The following MLLT10 variants were observed in gnomAD, a reference collection of about 807,000 sequenced individuals.
MLLT10 encodes MLLT10 histone lysine methyltransferase DOT1L cofactor.
MLLT10 carries 30 observed loss-of-function variants against 129.1 expected under a neutral mutation model. The ratio of observed to expected loss-of-function variants is 0.23; its 90% CI spans 0.17 to 0.32. MLLT10 has a LOEUF of 0.32. MLLT10 is among the 10% of genes least tolerant of loss of function. The pLI is 1.00. For synonymous variants in MLLT10, 490 were observed against 446.4 expected, an observed-to-expected ratio of 1.10 and a Z score of -1.23; for missense variants, 1,119 against 1,268.3, an observed-to-expected ratio of 0.88 and a Z score of 1.79.
intron 2 of MLLT10, among the ~76,000 whole-genome samples, chr10:21,537,303 T>TCTTC (rs1270743615): frequency 6.6e-6 from 1 of 152,106 alleles, no homozygotes; most frequent in Non-Finnish European, 1.5e-5. Context: ...TTTCTTTCTT[T>TCTTC]ATATATTTTT....
chr10:21,582,533 T>C (rs988284477), intron 3 of MLLT10, among the ~76,000 whole-genome samples: 3 of 152,220 alleles, frequency 2.0e-5, no homozygotes, highest in African/African-American at 7.2e-5. Flanking sequence ...TACCATTTGT[T>C]GTTTCAGACA....
At chr10:21,542,136 A>G (rs1389093711) in intron 3 of MLLT10, among the ~76,000 whole-genome samples, 1 of 152,230 alleles carries the variant, frequency 6.6e-6, no homozygotes, top group East Asian at 1.9e-4. Flanking sequence ...GTGGGTATTC[A>G]GAGAGAGAAG....
chr10:21,606,125 A>C (rs1680336710), intron 5 of MLLT10, among the ~76,000 whole-genome samples: 1 of 152,136 alleles, frequency 6.6e-6, no homozygotes, highest in Non-Finnish European at 1.5e-5. Flanking sequence ...TGTGAGGTGA[A>C]GTTAATAAAT....
intron 3 of MLLT10, among the ~76,000 whole-genome samples, chr10:21,567,741 C>G (rs1198324732): frequency 6.6e-6 from 1 of 151,700 alleles, no homozygotes. Context: ...AGCAGTTACT[C>G]TTCAAGTTTT....
At chr10:21,535,716 C>T (rs994679294) in intron 2 of MLLT10, among the ~76,000 whole-genome samples, 2 of 152,180 alleles carry the variant, frequency 1.3e-5, no homozygotes, top group African/African-American at 4.8e-5. Context: ...GCTCCATGTC[C>T]CTTCGCATTT....
intron 5 of MLLT10, among the ~76,000 whole-genome samples, chr10:21,599,674 T>G (rs1403645423): frequency 6.6e-6 from 1 of 152,104 alleles, no homozygotes; most frequent in Non-Finnish European, 1.5e-5. Flanking sequence ...AAGCAGTCCT[T>G]CCACTTCAGC....
chr10:21,556,853 C>G (rs761894978), intron 3 of MLLT10: 1 of 1,551,844 alleles, frequency 6.4e-7, no homozygotes, highest in Non-Finnish European at 8.7e-7. Context: ...TATGTCCTTT[C>G]TAGTTTCCAG....
In MLLT10 at chr10:21,538,154, A is replaced by AT. The variant is rs747900217; in HGVS notation, c.161-658dup. On this transcript the variant is annotated intron_variant, in intron 2 of 22. Transcript: ENST00000307729. ...AGGCACATGCCACCGTGCCCAGCTA[A>AT]TTTTTTTTTTTTTTTTTTTTTAAAT... Among the ~76,000 whole-genome samples, 394 of 132,748 alleles carry AT rather than the reference A, an allele frequency of 3.0e-3. 1 individual carries two copies. Among genetic ancestry groups the AT allele is most frequent in the South Asian group, 0.015 (60 of 4,112 alleles). The allele number at this position is 132,748 out of a possible 152,430, so 87.1% of individuals were successfully genotyped here. A position where few individuals can be genotyped will look rare whatever the true frequency, so the allele number is the denominator to read the frequency against.
At position 21,733,933 on chromosome 10, in the gene MLLT10, A is replaced by G. The variant is rs770602384; in HGVS notation, c.2662A>G (p.Thr888Ala). The G allele has an allele frequency of 8.7e-6, 14 of 1,613,960 alleles. No individual in the cohort carries two copies. Among genetic ancestry groups the G allele is most frequent in the Admixed American group, 1.7e-5 (1 of 59,990 alleles). Residue 888 changes from threonine to alanine, a missense_variant, in exon 20 of 23, where the codon ACC (threonine) becomes GCC (alanine). This residue lies in a region of MLLT10 where 1,004 missense variants were observed against 1,008.7 expected (regional missense o/e 1.00). Transcript: ENST00000307729. Reference protein sequence around the residue: ...LASGMQPVTSTIPAVSAVGGI... With the variant: ...LASGMQPVTSAIPAVSAVGGI... ...TAGTGGAATGCAGCCTGTAACTTCC[A>G]CCATTCCTGCCGTGTCTGCAGTGGG...
chr10:21,709,391 C>CT (rs1222336726), intron 13 of MLLT10, among the ~76,000 whole-genome samples: 3 of 152,114 alleles, frequency 2.0e-5, no homozygotes, highest in African/African-American at 7.2e-5. Flanking sequence ...GCCGCCATGC[C>CT]TGGCTAAGTT....
intron 3 of MLLT10, chr10:21,556,544 C>G: frequency 1.2e-6 from 1 of 824,620 alleles, no homozygotes; most frequent in Non-Finnish European, 1.8e-6. Flanking sequence ...TTCCATTTAC[C>G]CTCTCTAGGA....
intron 4 of MLLT10, 37 bp downstream of exon 4, chr10:21,586,385 A>C (rs1484828130): frequency 7.2e-7 from 1 of 1,397,126 alleles, no homozygotes; most frequent in Non-Finnish European, 9.9e-7. Flanking sequence ...ATTTTATTGA[A>C]AACTGGGACA....
chr10:21,592,760 G>A (rs1202456662), intron 4 of MLLT10, among the ~76,000 whole-genome samples: 13 of 151,990 alleles, frequency 8.6e-5, no homozygotes, highest in Admixed American at 7.2e-4. Flanking sequence ...CACCGCGCCC[G>A]GCCAGTTTTC....
intron 3 of MLLT10, among the ~76,000 whole-genome samples, chr10:21,571,117 G>A (rs955852272): frequency 6.6e-6 from 1 of 152,110 alleles, no homozygotes. Context: ...TCTACAATGT[G>A]ATATAAATTA....
At chr10:21,556,592 A>G (rs551370743) in intron 3 of MLLT10, 133 of 1,429,850 alleles carry the variant, frequency 9.3e-5, no homozygotes, top group Admixed American at 1.6e-4. Flanking sequence ...GGTGAGAGCC[A>G]GTTACGCGTT....
rs760539410 is a variant in MLLT10 at position 21,651,656 on chromosome 10, C to T, written c.700-17C>T. ...ATAGTTAAATTAAAATTGGATTTTA[C>T]TTATATTCGTTTTTAGAAATATAAA... On this transcript the variant is annotated splice_polypyrimidine_tract_variant and intron_variant, in intron 8 of 22. Coordinates refer to ENST00000307729, the MANE Select transcript of MLLT10 (RefSeq NM_001195626.3). 1.9e-6 allele frequency: 3 copies of T among 1,583,246 alleles called. No individual in the cohort carries two copies. Among genetic ancestry groups the T allele is most frequent in the South Asian group, 1.1e-5 (1 of 89,420 alleles).
intron 13 of MLLT10, among the ~76,000 whole-genome samples, chr10:21,692,862 C>T (rs1232750100): frequency 6.6e-6 from 1 of 152,050 alleles, no homozygotes; most frequent in Non-Finnish European, 1.5e-5. Context: ...TGAATGTGGC[C>T]ATTCTTTTAT....
intron 13 of MLLT10, among the ~76,000 whole-genome samples, chr10:21,701,429 A>G (rs1750632130): frequency 6.6e-6 from 1 of 151,174 alleles, no homozygotes; most frequent in African/African-American, 2.4e-5. Flanking sequence ...CAGTCTTTCT[A>G]CTTTTTTGAT....
At chr10:21,592,665 C>T (rs550678277) in intron 4 of MLLT10, among the ~76,000 whole-genome samples, 22 of 152,206 alleles carry the variant, frequency 1.4e-4, no homozygotes, top group South Asian at 1.0e-3. Flanking sequence ...ACCGTGTTAG[C>T]CAGGATGGTC....
Sources: allele counts gnomAD v4.1 joint callset (sites outside exome capture counted in the v4.1 genomes callset), GRCh38; gene constraint gnomAD v4.1.1; regional missense constraint gnomAD v4.1.1; transcripts MANE v1.5; gene names NCBI Gene and HGNC (gene_info 2026-07-23, HGNC 2026-07-21).